MACROD2: variants seen among roughly 807,000 people sequenced by gnomAD.
The protein encoded by MACROD2 is ADP-ribose glycohydrolase MACROD2.
Under a neutral mutation model 70.4 loss-of-function variants are expected in MACROD2, and 36 were observed. The observed-to-expected ratio is 0.51, with a 90% CI of 0.39 to 0.68. The LOEUF (loss-of-function observed/expected upper bound fraction) is 0.68. Among genes scored for constraint, MACROD2 ranks in the 30% least tolerant of loss-of-function variants. The probability of loss-of-function intolerance (pLI) is 0.00; values close to 1 mark genes in which losing one functional copy is unlikely to be tolerated. For synonymous variants in MACROD2, 172 were observed against 178.8 expected (o/e 0.96, Z 0.30); for missense variants, 496 against 538.4 (o/e 0.92, Z 0.78).
rs80232173 is a variant in MACROD2 at position 15,654,567 on chromosome 20, C to T, written c.645+154720C>T. On this transcript the variant is annotated intron_variant, in intron 8 of 17. Coordinates refer to ENST00000684519, the MANE Select transcript of MACROD2 (RefSeq NM_001351661.2). ...TCCACTTGAAGTGATTTTGCCCACA[C>T]CACATTTGAACAAACTCAAACTGCC... Among the ~76,000 whole-genome samples the T allele has an allele frequency of 4.3e-3, 655 of 152,340 alleles. 8 individuals are homozygous for T. The highest frequency in any genetic ancestry group is 0.015 in the African/African-American group (623 of 41,584).
At chr20:14,201,192 C>T (rs2081476628) in intron 3 of MACROD2, among the ~76,000 whole-genome samples, 1 of 152,068 alleles carries the variant, frequency 6.6e-6, no homozygotes, top group African/African-American at 2.4e-5. Flanking sequence ...AGTTATGTAT[C>T]AGAATTACAA....
intron 5 of MACROD2, among the ~76,000 whole-genome samples, chr20:15,021,027 T>A (rs766630287): frequency 6.8e-6 from 1 of 146,346 alleles, no homozygotes; most frequent in Non-Finnish European, 1.5e-5. Flanking sequence ...TGTATACACA[T>A]GTGCATATAC....
intron 3 of MACROD2, among the ~76,000 whole-genome samples, chr20:14,113,535 G>A (rs771134846): frequency 4.6e-5 from 7 of 152,038 alleles, no homozygotes; most frequent in Non-Finnish European, 8.8e-5. Context: ...AGTCACTGGA[G>A]TTGCCATGAA....
In MACROD2 at chr20:15,717,217, C is replaced by G. The variant is rs59739723; in HGVS notation, c.646-145528C>G. Among the ~76,000 whole-genome samples the G allele has an allele frequency of 8.3e-3, 1,258 of 152,296 alleles. 21 individuals are homozygous for G. Among genetic ancestry groups the G allele is most frequent in the African/African-American group, 0.028 (1,156 of 41,568 alleles). ...ATTTCTTTTTCATTGTAAGCCCAAT[C>G]AATTTGATTTCTTTTTCTCCTAAAT... On this transcript the variant is annotated intron_variant, in intron 8 of 17. Transcript: ENST00000684519.
chr20:14,235,110 A>C (rs559594785), intron 3 of MACROD2, among the ~76,000 whole-genome samples: 1 of 152,280 alleles, frequency 6.6e-6, no homozygotes, highest in South Asian at 2.1e-4. Flanking sequence ...ATATTGCTCC[A>C]GGCAGATTAA....
intron 8 of MACROD2, among the ~76,000 whole-genome samples, chr20:15,784,646 A>G (rs1311557250): frequency 6.6e-6 from 1 of 152,152 alleles, no homozygotes; most frequent in East Asian, 1.9e-4. Context: ...ATAAAATAAC[A>G]ATAAAACGTG....
intron 6 of MACROD2, among the ~76,000 whole-genome samples, chr20:15,336,039 A>G (rs944587064): frequency 7.9e-5 from 12 of 151,738 alleles, no homozygotes; most frequent in South Asian, 2.1e-4. Flanking sequence ...CCTTTCACCA[A>G]TAGGGTTGAA....
intron 4 of MACROD2, among the ~76,000 whole-genome samples, chr20:14,563,821 C>A (rs924660271): frequency 6.6e-6 from 1 of 151,910 alleles, no homozygotes; most frequent in Admixed American, 6.6e-5. Context: ...TTACCAACAT[C>A]GTTTTTCCCA....
chr20:15,282,386 C>A (rs555331665), intron 6 of MACROD2, among the ~76,000 whole-genome samples: 1 of 152,314 alleles, frequency 6.6e-6, no homozygotes, highest in East Asian at 1.9e-4. Flanking sequence ...CTCTGCTTCC[C>A]TGTAAACATA....
intron 8 of MACROD2, among the ~76,000 whole-genome samples, chr20:15,584,262 A>G (rs1423521736): frequency 3.3e-5 from 5 of 152,212 alleles, no homozygotes; most frequent in Non-Finnish European, 5.9e-5. Flanking sequence ...TCTACAGTCT[A>G]TTCTTACAGA....
intron 3 of MACROD2, among the ~76,000 whole-genome samples, chr20:14,285,879 T>C (rs1243608105): frequency 2.0e-5 from 3 of 152,072 alleles, no homozygotes; most frequent in East Asian, 1.9e-4. Flanking sequence ...GTTATGTATA[T>C]CTTTGTACAA....
chr20:14,085,251 T>A (rs2054063019), intron 2 of MACROD2, among the ~76,000 whole-genome samples: 1 of 152,036 alleles, frequency 6.6e-6, no homozygotes, highest in South Asian at 2.1e-4. Context: ...GCCTTTTAGG[T>A]AAGTTCTTCT....
intron 3 of MACROD2, among the ~76,000 whole-genome samples, chr20:14,092,720 C>G (rs530653586): frequency 1.5e-3 from 227 of 152,272 alleles, no homozygotes; most frequent in Non-Finnish European, 1.0e-3. Context: ...TAATTAAGAT[C>G]AGACAGATGT....
chr20:14,467,618 C>A (rs896727581), intron 3 of MACROD2, among the ~76,000 whole-genome samples: 1 of 152,066 alleles, frequency 6.6e-6, no homozygotes, highest in African/African-American at 2.4e-5. Context: ...TTCTGTGTCA[C>A]TCACCCTGGG....
chr20:15,760,675 T>C lies in MACROD2; in HGVS notation c.646-102070T>C, dbSNP rs55744299. Among the ~76,000 whole-genome samples, 1,219 of 152,304 alleles carry C rather than the reference T, an allele frequency of 8.0e-3. 9 individuals are homozygous for C. The highest frequency in any genetic ancestry group is 0.01 in the Admixed American group (154 of 15,292). On this transcript the variant is annotated intron_variant, in intron 8 of 17. Transcript: ENST00000684519. ...AGATAAAAGTAGCAATTTATGCTTTTACTTCAAGCATGCACACACCGACAT... is the reference window on the plus strand; with the variant it reads ...AGATAAAAGTAGCAATTTATGCTTTCACTTCAAGCATGCACACACCGACAT...
chr20:14,548,837 A>C (rs546927313), intron 4 of MACROD2, among the ~76,000 whole-genome samples: 1 of 152,032 alleles, frequency 6.6e-6, no homozygotes, highest in African/African-American at 2.4e-5. Flanking sequence ...TGGGAGAAGT[A>C]AAAAAGGGAA....
At chr20:16,041,546 A>G (rs1344101089) in intron 16 of MACROD2, among the ~76,000 whole-genome samples, 1 of 151,982 alleles carries the variant, frequency 6.6e-6, no homozygotes, top group Non-Finnish European at 1.5e-5. Flanking sequence ...TACTTTCAAG[A>G]CTAAACTGAA....
chr20:15,813,021 T>C (rs975570751), intron 8 of MACROD2, among the ~76,000 whole-genome samples: 3 of 152,342 alleles, frequency 2.0e-5, no homozygotes, highest in Admixed American at 1.3e-4. Flanking sequence ...ACTTCTTTTA[T>C]AGGGCTGATT....
intron 8 of MACROD2, among the ~76,000 whole-genome samples, chr20:15,772,089 AAAAAAAAAAAAAATATATATAT>A (rs1369485507): frequency 6.9e-4 from 64 of 92,150 alleles, no homozygotes; most frequent in African/African-American, 3.1e-3. Flanking sequence ...GGTCTCAAAA[AAAAAAAAAAAAAATATATATAT>A]ATATATATAT....
Sources: allele counts gnomAD v4.1 joint callset (sites outside exome capture counted in the v4.1 genomes callset), GRCh38; gene constraint gnomAD v4.1.1; transcripts MANE v1.5; gene names NCBI Gene and HGNC (gene_info 2026-07-23, HGNC 2026-07-21).